TNS4: variants seen among roughly 807,000 people sequenced by gnomAD.
TNS4 encodes the protein tensin-4.
Under a neutral mutation model 70.4 loss-of-function variants are expected in TNS4, and 46 were observed. The ratio of observed to expected loss-of-function variants is 0.65; its 90% CI spans 0.52 to 0.84. TNS4 has a LOEUF of 0.84. Among genes scored for constraint, TNS4 ranks in the 40% least tolerant of loss-of-function variants. The probability of loss-of-function intolerance (pLI) is 0.00; values close to 1 mark genes in which losing one functional copy is unlikely to be tolerated. For missense variants in TNS4, 863 were observed against 907.0 expected (o/e 0.95, Z 0.62); for synonymous variants, 390 against 366.6 (o/e 1.06, Z -0.73).
At chr17:40,482,636 G>A (rs893801700) in intron 6 of TNS4, among the ~76,000 whole-genome samples, 2 of 150,866 alleles carry the variant, frequency 1.3e-5, no homozygotes, top group Non-Finnish European at 3.0e-5. Flanking sequence ...ACACAAAGCC[G>A]GGCGTGGTTC....
Position 40,476,776 on chromosome 17 carries a change from T to G in TNS4, c.*812A>C, listed in dbSNP as rs2035854264. 6.6e-6 allele frequency: 1 copy of G among 152,194 alleles called. No homozygotes were observed. The highest frequency in any genetic ancestry group is 6.6e-5 in the Admixed American group (1 of 15,264). 9.4% of individuals were successfully genotyped at this position (152,194 alleles called of 1,614,324 possible). A position where few individuals can be genotyped will look rare whatever the true frequency, so the allele number is the denominator to read the frequency against. ...TACTTGGGAGCCTGAGGCAGGATAA[T>G]TGCTTGAACCTGGGAGGTGGAGGTT... On this transcript the variant is annotated 3_prime_UTR_variant, in exon 13 of 13. Transcript: ENST00000254051.
Position 40,487,213 on chromosome 17 carries a change from C to A in TNS4, c.1111G>T (p.Asp371Tyr). 1 of 1,614,120 alleles carries A rather than the reference C, an allele frequency of 6.2e-7. No homozygotes were observed. The highest frequency in any genetic ancestry group is 8.5e-7 in the Non-Finnish European group (1 of 1,180,018). The change falls in exon 4 of 13, where the codon GAC (aspartate) becomes TAC (tyrosine). Residue 371 changes from aspartate to tyrosine, a missense_variant. By Grantham distance (160) the Asp-to-Tyr change is radical. Coordinates refer to ENST00000254051, the MANE Select transcript of TNS4 (RefSeq NM_032865.6). ...CCGTTGATCAGCACAATGGGTATGT[C>A]CACCATGGAGTTGGTGATGGATGGG... is the stretch of plus-strand genomic sequence containing the variant. ...CPPSITNSMV[D>Y]IPIVLINGCP...
Position 40,477,667 on chromosome 17 carries a change from G to A in TNS4, c.2069C>T (p.Ala690Val), listed in dbSNP as rs762008294. ...GGCTGGCTGGACCATGTCATACTCC[G>A]CAAAGAGGTGGCATACGTTCTCCTG... ...EPQENVCHLF[A>V]EYDMVQPASQ... is the part of the protein sequence containing the mutation. Residue 690 changes from alanine to valine, a missense_variant, in exon 13 of 13, where the codon GCG becomes GTG. Physicochemically the swap from Ala to Val is moderately conservative, Grantham distance 64. Transcript: ENST00000254051. 101 of 1,613,950 alleles carry A rather than the reference G, an allele frequency of 6.3e-5. 1 individual carries two copies. The highest frequency in any genetic ancestry group is 8.8e-5 in the South Asian group (8 of 91,082).
intron 4 of TNS4, among the ~76,000 whole-genome samples, chr17:40,485,948 C>T (rs1236582209): frequency 2.0e-5 from 3 of 152,230 alleles, no homozygotes; most frequent in African/African-American, 7.2e-5. Context: ...CACATGGCTT[C>T]GTGAGTGGGA....
chr17:40,488,975 G>T lies in TNS4; in HGVS notation c.440-6C>A. ...CACCTCGATGTACTTTATGTCTTTG[G>T]GGGAGAAAAGCAGAGCATTGGTGAA... On this transcript the variant is annotated splice_region_variant and splice_polypyrimidine_tract_variant and intron_variant, in intron 2 of 12. Transcript: ENST00000254051. 2 of 1,554,998 alleles carry T rather than the reference G, an allele frequency of 1.3e-6. No individual in the cohort carries two copies. Among genetic ancestry groups the T allele is most frequent in the Non-Finnish European group, 1.7e-6 (2 of 1,154,282 alleles).
intron 6 of TNS4, 149 bp from the exon 7 acceptor site, chr17:40,482,565 A>G (rs1046587205): frequency 1.4e-5 from 9 of 625,994 alleles, no homozygotes; most frequent in Non-Finnish European, 2.3e-5. Flanking sequence ...CCCACATGGT[A>G]AAACCCTATC....
chr17:40,495,410 T>C (rs1334831866), intron 2 of TNS4, among the ~76,000 whole-genome samples: 1 of 152,124 alleles, frequency 6.6e-6, no homozygotes, highest in Non-Finnish European at 1.5e-5. Flanking sequence ...GGGCAGAAGC[T>C]TCAAATCAGC....
intron 2 of TNS4, among the ~76,000 whole-genome samples, chr17:40,490,966 A>G (rs1012786530): frequency 1.3e-5 from 2 of 152,176 alleles, no homozygotes; most frequent in Non-Finnish European, 2.9e-5. Context: ...GTATTGGCCA[A>G]ATGGAGCCCT....
At chr17:40,497,533 G>A (rs2036160518) in intron 1 of TNS4, among the ~76,000 whole-genome samples, 1 of 152,162 alleles carries the variant, frequency 6.6e-6, no homozygotes, top group Non-Finnish European at 1.5e-5. Flanking sequence ...AAGCTGGGAG[G>A]CAGAGGTTGC....
intron 1 of TNS4, 25 bp from the exon 2 acceptor site, chr17:40,496,545 G>A (rs750563073): frequency 3.4e-5 from 37 of 1,085,914 alleles, no homozygotes; most frequent in East Asian, 3.0e-4. Flanking sequence ...GAGTGGGAAC[G>A]GAGTAATTTC....
At chr17:40,480,852 TC>T in intron 8 of TNS4, 84 bp from the exon 9 acceptor site, 1 of 1,474,136 alleles carries the variant, frequency 6.8e-7, no homozygotes, top group Non-Finnish European at 9.3e-7. Flanking sequence ...GCCTCATGAA[TC>T]CCTTTGAAGA....
intron 4 of TNS4, among the ~76,000 whole-genome samples, chr17:40,486,759 G>A (rs1391423937): frequency 2.0e-5 from 3 of 151,982 alleles, no homozygotes; most frequent in Admixed American, 6.6e-5. Flanking sequence ...CTCGGATGTC[G>A]CTTCCTCTGT....
chr17:40,484,073 T>A (rs1373974722), intron 6 of TNS4, among the ~76,000 whole-genome samples: 2 of 152,186 alleles, frequency 1.3e-5, no homozygotes, highest in Non-Finnish European at 2.9e-5. Flanking sequence ...ATCACACACA[T>A]GTGCGCTGAG....
At chr17:40,478,458 C>T in intron 11 of TNS4, 122 bp downstream of exon 11, 3 of 1,423,946 alleles carry the variant, frequency 2.1e-6, no homozygotes, top group Non-Finnish European at 2.9e-6. Flanking sequence ...CTCATTCTGT[C>T]ACCCTGACCC....
chr17:40,495,935 C>A, intron 2 of TNS4, 52 bp downstream of exon 2: 1 of 1,540,440 alleles, frequency 6.5e-7, no homozygotes, highest in Non-Finnish European at 8.7e-7. Flanking sequence ...CCTTCTTCCT[C>A]ATGAGGTCTG....
chr17:40,481,415 AGTGCAGTG>A (rs2035920083), intron 8 of TNS4, among the ~76,000 whole-genome samples: 1 of 151,974 alleles, frequency 6.6e-6, no homozygotes, highest in East Asian at 1.9e-4. Flanking sequence ...CCCAGGCTAG[AGTGCAGTG>A]GTGCGATCTT....
intron 2 of TNS4, among the ~76,000 whole-genome samples, chr17:40,491,338 T>C (rs1275595884): frequency 6.6e-6 from 1 of 152,166 alleles, no homozygotes; most frequent in Non-Finnish European, 1.5e-5. Context: ...TTGTATTAGC[T>C]CCTTTAACCC....
At position 40,484,584 on chromosome 17, in the gene TNS4, C is replaced by T. The variant is rs2035967467; in HGVS notation, c.1401G>A (p.Glu467=). Residue 467 remains glutamate (E), a synonymous_variant, in exon 6 of 13, where the codon GAG becomes GAA. Coordinates refer to ENST00000254051, the MANE Select transcript of TNS4 (RefSeq NM_032865.6). ...EQAIELLRKE[E]PGAFVIRDSS... The stretch of plus-strand genomic sequence containing the variant: ...TGTCCCTTATGACAAAAGCCCCTGG[C>T]TCCTCCTTCCTCAGCAGCTCGATTG... 2 of 1,612,766 alleles carry T rather than the reference C, an allele frequency of 1.2e-6. No individual in the cohort carries two copies. The highest frequency in any genetic ancestry group is 1.7e-6 in the Non-Finnish European group (2 of 1,180,006).
intron 10 of TNS4, among the ~76,000 whole-genome samples, chr17:40,479,159 C>CT (rs1448762943): frequency 6.6e-6 from 1 of 152,004 alleles, no homozygotes; most frequent in African/African-American, 2.4e-5. Flanking sequence ...TCCTTCCTTC[C>CT]TTTTTTGAGA....
Sources: gnomAD v4.1 joint callset for allele counts (sites outside exome capture counted in the v4.1 genomes callset) on GRCh38, gnomAD v4.1.1 for gene constraint, MANE v1.5 for transcripts, NCBI Gene and HGNC (gene_info 2026-07-23, HGNC 2026-07-21) for gene names.